Variants in UBR1 observed in about 807,000 individuals in gnomAD.
The protein encoded by UBR1 is ubiquitin protein ligase E3 component n-recognin 1.
Under a neutral mutation model 242.1 loss-of-function variants are expected in UBR1, and 102 were observed. The observed-to-expected ratio is 0.42, with a 90% confidence interval of 0.36 to 0.50. The LOEUF (loss-of-function observed/expected upper bound fraction) is 0.50, where lower values mean the gene tolerates loss of function less well. UBR1 is among the 20% of genes least tolerant of loss of function. UBR1 has a pLI of 0.01. For missense variants in UBR1, 1,772 were observed against 2,101.8 expected (o/e 0.84, Z 3.07); for synonymous variants, 675 against 684.8 (o/e 0.99, Z 0.22).
At chr15:43,008,435 T>C (rs1244147069) in intron 29 of UBR1, among the ~76,000 whole-genome samples, 1 of 152,272 alleles carries the variant, frequency 6.6e-6, no homozygotes, top group Admixed American at 6.5e-5. Context: ...CCCTCCTGCC[T>C]TGGACCCCTC....
intron 21 of UBR1, among the ~76,000 whole-genome samples, 191 bp downstream of exon 21, chr15:43,029,753 A>G (rs2033229780): frequency 6.6e-6 from 1 of 152,240 alleles, no homozygotes; most frequent in African/African-American, 2.4e-5. Flanking sequence ...ATTTTAAAGT[A>G]AACAAAAAGT....
chr15:42,992,736 C>A (rs1002558862), intron 33 of UBR1, among the ~76,000 whole-genome samples: 1 of 152,212 alleles, frequency 6.6e-6, no homozygotes, highest in African/African-American at 2.4e-5. Flanking sequence ...CCAGTCCTCC[C>A]ACTTTCTAGC....
intron 44 of UBR1, 95 bp downstream of exon 44, chr15:42,957,918 C>G (rs1486027405): frequency 1.8e-6 from 2 of 1,118,876 alleles, no homozygotes; most frequent in Non-Finnish European, 2.6e-6. Context: ...AACAAAAAAA[C>G]AAAAACAAGG....
intron 36 of UBR1, 64 bp downstream of exon 36, chr15:42,984,823 A>T: frequency 7.0e-7 from 1 of 1,424,404 alleles, no homozygotes; most frequent in Non-Finnish European, 9.8e-7. Context: ...GTTTTTAATA[A>T]TAAACTGTGG....
chr15:43,032,628 A>T lies in UBR1; in HGVS notation c.2194T>A (p.Leu732Met). The T allele has an allele frequency of 6.6e-7, 1 of 1,504,310 alleles. No individual in the cohort carries two copies. The allele number at this position is 1,504,310 out of a possible 1,614,324, so 93.2% of individuals were successfully genotyped here. The change falls in exon 20 of 47, where the codon TTG becomes ATG. Residue 732 changes from leucine to methionine, a missense_variant. Leu to Met is a conservative substitution (Grantham distance 15). Around this residue, in one of 3 missense-constraint regions of UBR1, gnomAD observed 734 missense variants for 893.3 expected, o/e 0.82. Coordinates refer to ENST00000290650, the MANE Select transcript of UBR1 (RefSeq NM_174916.3). ...ATTAGTGTATTATATTGTTTAATCAAATCCTATAGAATCGAAAAAGAGTAA... is the reference window on the plus strand; with the variant it reads ...ATTAGTGTATTATATTGTTTAATCATATCCTATAGAATCGAAAAAGAGTAA... The part of the protein sequence containing the change: ...NKTISTKDQD[L>M]IKQYNTLIEE...
At chr15:43,090,104 C>T (rs886477620) in intron 1 of UBR1, among the ~76,000 whole-genome samples, 3 of 152,118 alleles carry the variant, frequency 2.0e-5, no homozygotes, top group Non-Finnish European at 4.4e-5. Context: ...AAGAACTGTG[C>T]TACAATTTAT....
At position 43,005,904 on chromosome 15, in the gene UBR1, G is replaced by A. The variant is rs1211729539; in HGVS notation, c.3415+1175C>T. On this transcript the variant is annotated intron_variant, in intron 30 of 46. Coordinates refer to ENST00000290650, the MANE Select transcript of UBR1 (RefSeq NM_174916.3). ...CTTGAAGGCAGCATGCTCGTTAAGA[G>A]TCATCACCACTCCCTAATCTCAAGT... 2.0e-5 allele frequency among the ~76,000 whole-genome samples: 3 copies of A among 149,568 alleles called. No homozygotes were observed. In the East Asian group the frequency reaches 5.9e-4, roughly 29 times the overall value.
At chr15:42,965,472 T>TTTTTTTTTGAGACAGAGCC (rs2032091011) in intron 41 of UBR1, among the ~76,000 whole-genome samples, 1 of 151,200 alleles carries the variant, frequency 6.6e-6, no homozygotes, top group African/African-American at 2.4e-5. Flanking sequence ...TACTTTTTTT[T>TTTTTTTTTGAGACAGAGCC]TTTTTTTTTG....
chr15:42,961,446 TG>T (rs1439442911), intron 42 of UBR1, among the ~76,000 whole-genome samples: 1 of 144,554 alleles, frequency 6.9e-6, no homozygotes, highest in Non-Finnish European at 1.5e-5. Flanking sequence ...TTTTTTTAGA[TG>T]GAGTCTCACT....
At chr15:43,036,078 A>G in intron 19 of UBR1, 100 bp downstream of exon 19, 1 of 1,116,468 alleles carries the variant, frequency 9.0e-7, no homozygotes, top group Non-Finnish European at 1.3e-6. Context: ...TTAAAGTATA[A>G]TTTTAAAAAA....
In UBR1 at chr15:42,945,458, G is replaced by C; in HGVS notation, c.5121C>G (p.Pro1707=). ...ETDPGLKRGN[P]LHLSRERYRK... Reference sequence around the variant, plus strand: ...GATACCGCTCACGAGATAAATGAAGGGGGTTGCCCCTCCTTTAGGGAAAAA... The same window carrying C: ...GATACCGCTCACGAGATAAATGAAGCGGGTTGCCCCTCCTTTAGGGAAAAA... The change falls in exon 47 of 47, where the codon CCC becomes CCG. Residue 1707 remains proline, a synonymous_variant. Coordinates refer to ENST00000290650, the MANE Select transcript of UBR1 (RefSeq NM_174916.3). The C allele has an allele frequency of 1.9e-6, 3 of 1,614,042 alleles. No homozygotes were observed. In the African/African-American group the frequency reaches 4.0e-5, roughly 22 times the overall value.
At chr15:43,032,192 A>G (rs2033266513) in intron 20 of UBR1, among the ~76,000 whole-genome samples, 1 of 152,228 alleles carries the variant, frequency 6.6e-6, no homozygotes. Flanking sequence ...CTGAATTTCT[A>G]TGGGTCAATG....
intron 9 of UBR1, among the ~76,000 whole-genome samples, chr15:43,058,789 G>A (rs577983103): frequency 2.0e-5 from 3 of 151,900 alleles, no homozygotes; most frequent in Admixed American, 1.3e-4. Context: ...TTCGCTACTC[G>A]ATAATGGCAC....
intron 30 of UBR1, among the ~76,000 whole-genome samples, chr15:43,005,612 C>T (rs1312312230): frequency 2.6e-5 from 4 of 152,176 alleles, no homozygotes; most frequent in East Asian, 1.9e-4. Flanking sequence ...TCATTGAGAA[C>T]GGGCCATGAT....
chr15:42,982,497 A>C (rs1015727024), intron 37 of UBR1, among the ~76,000 whole-genome samples: 5 of 152,228 alleles, frequency 3.3e-5, no homozygotes, highest in Non-Finnish European at 7.3e-5. Context: ...TTCTATTAGC[A>C]TGAAGCCAAT....
At chr15:42,977,605 T>G (rs1430521470) in intron 38 of UBR1, among the ~76,000 whole-genome samples, 1 of 150,982 alleles carries the variant, frequency 6.6e-6, no homozygotes, top group Non-Finnish European at 1.5e-5. Flanking sequence ...GAGCATAATA[T>G]GAATTAGAAA....
chr15:42,992,862 G>A (rs1039353713), intron 33 of UBR1, among the ~76,000 whole-genome samples: 2 of 152,160 alleles, frequency 1.3e-5, no homozygotes, highest in African/African-American at 2.4e-5. Context: ...GTGAAGCCAC[G>A]AGGCAAAGAC....
chr15:43,090,689 A>G (rs16957409), intron 1 of UBR1, among the ~76,000 whole-genome samples: 7,050 of 151,764 alleles, frequency 0.046, 550 homozygotes, highest in African/African-American at 0.16. Context: ...CTTAATTATA[A>G]GAGGCACAGA....
intron 35 of UBR1, among the ~76,000 whole-genome samples, chr15:42,987,988 T>C (rs942059406): frequency 1.3e-5 from 2 of 152,272 alleles, no homozygotes; most frequent in African/African-American, 4.8e-5. Context: ...GATCCCTCAC[T>C]GCTACATTTT....
Sources: allele counts gnomAD v4.1 joint callset (sites outside exome capture counted in the v4.1 genomes callset), GRCh38; gene constraint gnomAD v4.1.1; regional missense constraint gnomAD v4.1.1; transcripts MANE v1.5; gene names NCBI Gene and HGNC (gene_info 2026-07-23, HGNC 2026-07-21).